Variants in TTC12 observed in about 807,000 individuals in gnomAD.
The protein encoded by TTC12 is tetratricopeptide repeat domain 12.
In TTC12, 70 loss-of-function variants were observed where a neutral mutation model predicts 90.1. That is an observed-to-expected ratio of 0.78 (90% confidence interval 0.64 to 0.95). The LOEUF is 0.95. Among genes scored for constraint, TTC12 ranks in the 40% least tolerant of loss-of-function variants. The probability of loss-of-function intolerance (pLI) is 0.00; values close to 1 mark genes in which losing one functional copy is unlikely to be tolerated. For missense variants in TTC12, 819 were observed against 846.1 expected (o/e 0.97, Z 0.40); for synonymous variants, 296 against 311.5 (o/e 0.95, Z 0.53).
intron 15 of TTC12, 122 bp downstream of exon 15, chr11:113,351,421 A>G (rs1334186326): frequency 2.4e-6 from 2 of 831,118 alleles, no homozygotes; most frequent in Non-Finnish European, 4.0e-6. Flanking sequence ...TCATTTATTC[A>G]CAGCTGGAAT....
At chr11:113,368,618 C>T (rs764081304), downstream of TTC12, 10 of 952,650 alleles carry the variant, frequency 1.0e-5, no homozygotes, top group South Asian at 5.6e-5. Flanking sequence ...TCATACATGA[C>T]GTGAGGACGG....
chr11:113,338,822 A>G lies in TTC12; in HGVS notation c.625A>G (p.Thr209Ala). 1 of 1,614,020 alleles carries G rather than the reference A, an allele frequency of 6.2e-7. No individual in the cohort carries two copies. The highest frequency in any genetic ancestry group is 8.5e-7 in the Non-Finnish European group (1 of 1,179,946). The change falls in exon 9 of 22, where the codon ACC becomes GCC. Residue 209 changes from threonine to alanine, a missense_variant. Coordinates refer to ENST00000529221, the MANE Select transcript of TTC12 (RefSeq NM_017868.4). Reference sequence around the variant, plus strand: ...CTTAGAAATAAACCCCAAGCTGCAAACCCAGGTGAAAGGTGAGCACGTTCC... The same window carrying G: ...CTTAGAAATAAACCCCAAGCTGCAAGCCCAGGTGAAAGGTGAGCACGTTCC... ...KILEINPKLQ[T>A]QVKGYLNQVD...
chr11:113,348,169 A>G (rs901723209), intron 13 of TTC12, among the ~76,000 whole-genome samples: 6 of 152,150 alleles, frequency 3.9e-5, no homozygotes, highest in Non-Finnish European at 7.3e-5. Flanking sequence ...CACAACATCC[A>G]CAAGTATCAT....
chr11:113,362,451 TGAG>T lies in TTC12; in HGVS notation c.1670_1672del (p.Glu557del). ...CCCTTTCTTCCTCTCTGAAAATTGT[TGAG>T]GAGGCCTTGCGAGCAGGAGTGGTAA... On this transcript the variant is annotated inframe_deletion, in exon 19 of 22. Transcript: ENST00000529221. 1.2e-6 allele frequency: 2 copies of T among 1,614,138 alleles called. No individual in the cohort carries two copies. Among genetic ancestry groups the T allele is most frequent in the Non-Finnish European group, 1.7e-6 (2 of 1,179,968 alleles).
chr11:113,354,925 G>T (rs1399087587), intron 16 of TTC12, among the ~76,000 whole-genome samples: 23 of 152,228 alleles, frequency 1.5e-4, no homozygotes, highest in African/African-American at 5.5e-4. Flanking sequence ...TTTCTGTTTT[G>T]TGTGTGTCTC....
intron 12 of TTC12, 31 bp downstream of exon 12, chr11:113,341,956 T>G: frequency 6.4e-7 from 1 of 1,566,516 alleles, no homozygotes; most frequent in Non-Finnish European, 8.8e-7. Context: ...TTGATCACCA[T>G]TAATGCGCTG....
In TTC12 at chr11:113,323,319, C is replaced by T. The variant is rs1313292479; in HGVS notation, c.90C>T (p.Asp30=). Residue 30 remains aspartate, a synonymous_variant, in exon 3 of 22, where the codon GAC becomes GAT. Coordinates refer to ENST00000529221, the MANE Select transcript of TTC12 (RefSeq NM_017868.4). ...TAATTCAGGAGATGAATTCTGATGA[C>T]CCAGTTGTGCAACAGAAAGCTGTCC... is the stretch of plus-strand genomic sequence containing the variant. The part of the protein sequence containing the change: ...SNLIQEMNSD[D]PVVQQKAVLE... The T allele has an allele frequency of 1.2e-6, 2 of 1,606,454 alleles. No homozygotes were observed. The highest frequency in any genetic ancestry group is 2.7e-5 in the African/African-American group (2 of 74,450).
intron 20 of TTC12, 64 bp from the exon 21 acceptor site, chr11:113,364,771 C>T (rs1950116371): frequency 1.4e-6 from 2 of 1,394,560 alleles, no homozygotes; most frequent in African/African-American, 2.8e-5. Flanking sequence ...CCCTCATGTC[C>T]TGTTGCCAGC....
chr11:113,342,071 A>G, intron 12 of TTC12, 146 bp downstream of exon 12: 2 of 701,958 alleles, frequency 2.8e-6, no homozygotes, highest in Non-Finnish European at 2.5e-6. Context: ...AGGAAAGCTT[A>G]TGGATCAAAA....
intron 7 of TTC12, among the ~76,000 whole-genome samples, chr11:113,332,881 C>T (rs1948143508): frequency 2.0e-5 from 3 of 152,158 alleles, no homozygotes; most frequent in South Asian, 4.1e-4. Flanking sequence ...TATCTAGGCC[C>T]GTGGTTTTGA....
intron 14 of TTC12, 145 bp from the exon 15 acceptor site, chr11:113,351,094 T>C (rs1454118673): frequency 1.1e-5 from 7 of 623,580 alleles, no homozygotes; most frequent in African/African-American, 5.5e-5. Context: ...GTGACATGCT[T>C]TTTTCTTTTT....
At position 113,341,916 on chromosome 11, in the gene TTC12, A is replaced by G. The variant is rs781801458; in HGVS notation, c.976A>G (p.Ser326Gly). 8.7e-6 allele frequency: 14 copies of G among 1,613,890 alleles called. No individual in the cohort carries two copies. The Admixed American group carries it at 1.2e-4, about 13-fold the overall frequency. ...SVLKLWQAVC[S>G]RNEENQRVLV... ...TCTCAAGCTCTGGCAAGCAGTGTGCAGCAGGAACGGTAAGCCTGGGTAATC... is the reference window on the plus strand; with the variant it reads ...TCTCAAGCTCTGGCAAGCAGTGTGCGGCAGGAACGGTAAGCCTGGGTAATC... Residue 326 changes from serine to glycine, a missense_variant, in exon 12 of 22, where the codon AGC (serine) becomes GGC (glycine). Transcript: ENST00000529221.
At chr11:113,349,089 C>G (rs1810360553) in intron 13 of TTC12, among the ~76,000 whole-genome samples, 1 of 152,208 alleles carries the variant, frequency 6.6e-6, no homozygotes, top group South Asian at 2.1e-4. Context: ...ACCACATTGC[C>G]TGGTACACAG....
intron 15 of TTC12, 130 bp from the exon 16 acceptor site, chr11:113,351,940 A>G: frequency 9.4e-7 from 1 of 1,065,946 alleles, no homozygotes; most frequent in Non-Finnish European, 1.3e-6. Flanking sequence ...GACCCCAGGG[A>G]TGCCCCTGTG....
chr11:113,341,414 C>T (rs1378703366), intron 11 of TTC12, among the ~76,000 whole-genome samples: 4 of 152,096 alleles, frequency 2.6e-5, no homozygotes, highest in Non-Finnish European at 5.9e-5. Flanking sequence ...TATAAATGGG[C>T]CAATCCCATT....
At chr11:113,321,002 A>T (rs1183398912) in intron 2 of TTC12, among the ~76,000 whole-genome samples, 1 of 152,072 alleles carries the variant, frequency 6.6e-6, no homozygotes, top group East Asian at 1.9e-4. Flanking sequence ...ACATAGCAAG[A>T]CCATCTCTTA....
intron 12 of TTC12, among the ~76,000 whole-genome samples, chr11:113,343,543 C>T (rs1359178105): frequency 1.3e-5 from 2 of 152,064 alleles, no homozygotes; most frequent in African/African-American, 2.4e-5. Flanking sequence ...TACTGGATGC[C>T]GTGTGCTGTG....
chr11:113,321,516 GAAA>G lies in TTC12; in HGVS notation c.59-1768_59-1766del, dbSNP rs1197561398. ...AACACATCTCTAAAGCATCTTAAGA[GAAA>G]AAAGTAGGTTGCAAATGAATGCACA... On this transcript the variant is annotated intron_variant, in intron 2 of 21. Coordinates refer to ENST00000529221, the MANE Select transcript of TTC12 (RefSeq NM_017868.4). Among the ~76,000 whole-genome samples, 19 of 152,242 alleles carry G rather than the reference GAAA, an allele frequency of 1.2e-4. No homozygotes were observed. The East Asian group carries it at 3.7e-3, about 29-fold the overall frequency.
At chr11:113,365,245 G>T (rs553363048) in intron 21 of TTC12, among the ~76,000 whole-genome samples, 185 bp downstream of exon 21, 3 of 152,280 alleles carry the variant, frequency 2.0e-5, no homozygotes, top group African/African-American at 7.2e-5. Flanking sequence ...GGAAACTGGG[G>T]AGCTCTCGGT....
Sources: allele counts gnomAD v4.1 joint callset (sites outside exome capture counted in the v4.1 genomes callset), GRCh38; gene constraint gnomAD v4.1.1; transcripts MANE v1.5; gene names NCBI Gene and HGNC (gene_info 2026-07-23, HGNC 2026-07-21).